MAP2K5: variants seen among roughly 807,000 people sequenced by gnomAD.
The protein encoded by MAP2K5 is mitogen-activated protein kinase kinase 5.
A neutral mutation model predicts 83.1 loss-of-function variants in MAP2K5; 49 were observed. The observed-to-expected ratio is 0.59, with a 90% CI of 0.47 to 0.75. MAP2K5 has a LOEUF of 0.75. Ranked by LOEUF, MAP2K5 falls within the 30% of genes least tolerant of loss-of-function variation. MAP2K5 has a pLI of 0.00. For missense variants in MAP2K5, 457 were observed against 557.5 expected (o/e 0.82, Z 1.82); for synonymous variants, 202 against 191.8 (o/e 1.05, Z -0.44).
At chr15:67,633,982 C>A (rs1336050003) in intron 9 of MAP2K5, among the ~76,000 whole-genome samples, 3 of 152,044 alleles carry the variant, frequency 2.0e-5, no homozygotes, top group African/African-American at 7.2e-5. Context: ...TCCAGAACAC[C>A]CTTCCTATAA....
At chr15:67,574,616 C>T (rs1481614101) in intron 3 of MAP2K5, among the ~76,000 whole-genome samples, 1 of 148,696 alleles carries the variant, frequency 6.7e-6, no homozygotes, top group East Asian at 2.0e-4. Flanking sequence ...CATCTGTAAT[C>T]CCAGCACTTT....
rs75797388 is a variant in MAP2K5 at position 67,755,415 on chromosome 15, A to G, written c.1134+6814A>G. Among the ~76,000 whole-genome samples, 347 of 152,112 alleles carry G rather than the reference A, an allele frequency of 2.3e-3. 3 individuals are homozygous for G. The highest frequency in any genetic ancestry group is 7.8e-3 in the African/African-American group (322 of 41,478). ...AGAACAGAAATATTAGCTGCCCCTTAGTCTGCCTGACTCACATAGGTAGAA... is the reference window on the plus strand; with the variant it reads ...AGAACAGAAATATTAGCTGCCCCTTGGTCTGCCTGACTCACATAGGTAGAA... On this transcript the variant is annotated intron_variant, in intron 19 of 21. Transcript: ENST00000178640. This position sits in a 1 kb window ranked among gnomAD's most constrained non-coding sequence, Gnocchi z 4.7.
chr15:67,671,566 C>T lies in MAP2K5; in HGVS notation c.847+6921C>T, dbSNP rs533336300. ...GAAACTGTTTTTAAAGTATCAGGGA[C>T]ACTGAAAATGAAGTATTATAATTAA... On this transcript the variant is annotated intron_variant, in intron 13 of 21. Transcript: ENST00000178640. Among the ~76,000 whole-genome samples, 9 of 152,020 alleles carry T rather than the reference C, an allele frequency of 5.9e-5. No individual in the cohort carries two copies. In the South Asian group the frequency reaches 1.9e-3, roughly 32 times the overall value.
intron 3 of MAP2K5, among the ~76,000 whole-genome samples, chr15:67,579,277 A>C (rs765208111): frequency 6.6e-6 from 1 of 152,192 alleles, no homozygotes; most frequent in Non-Finnish European, 1.5e-5. Context: ...GCCGAGGACA[A>C]GTCATTTTCG....
intron 15 of MAP2K5, among the ~76,000 whole-genome samples, chr15:67,699,182 G>C (rs16951147): frequency 0.01 from 1,592 of 151,642 alleles, 59 homozygotes; most frequent in East Asian, 0.078. Context: ...AAAAGACAGT[G>C]GGCTACTCCC....
At chr15:67,799,964 T>C (rs1566968622) in intron 21 of MAP2K5, among the ~76,000 whole-genome samples, 1 of 152,186 alleles carries the variant, frequency 6.6e-6, no homozygotes, top group Non-Finnish European at 1.5e-5. Context: ...GGGATTGTTA[T>C]TGTGATGCTT....
chr15:67,749,375 G>T lies in MAP2K5; in HGVS notation c.1134+774G>T, dbSNP rs1370092070. ...TAAAAACTGAGATTTTTGGGGCTTGGGTTTGCCTACTAGCAATGTTTATTT... is the reference window on the plus strand; with the variant it reads ...TAAAAACTGAGATTTTTGGGGCTTGTGTTTGCCTACTAGCAATGTTTATTT... On this transcript the variant is annotated intron_variant, in intron 19 of 21. Coordinates refer to ENST00000178640, the MANE Select transcript of MAP2K5 (RefSeq NM_145160.3). This position sits in a 1 kb window ranked among gnomAD's most constrained non-coding sequence, Gnocchi z 4.6. Among the ~76,000 whole-genome samples, 1 of 151,860 alleles carries T rather than the reference G, an allele frequency of 6.6e-6. No individual in the cohort carries two copies. Among genetic ancestry groups the T allele is most frequent in the Admixed American group, 6.6e-5 (1 of 15,254 alleles).
chr15:67,553,923 A>AG (rs936148318), intron 2 of MAP2K5, among the ~76,000 whole-genome samples: 1 of 142,368 alleles, frequency 7.0e-6, no homozygotes, highest in African/African-American at 2.9e-5. Context: ...CCATCTCAAA[A>AG]AAAAAAAAAA....
chr15:67,584,740 G>A (rs182274322), intron 4 of MAP2K5, among the ~76,000 whole-genome samples: 48 of 143,758 alleles, frequency 3.3e-4, no homozygotes, highest in African/African-American at 1.2e-3. Flanking sequence ...GTGCAGTGGC[G>A]TGATCTCAGC....
At chr15:67,660,212 G>A (rs989798307) in intron 12 of MAP2K5, among the ~76,000 whole-genome samples, 3 of 151,870 alleles carry the variant, frequency 2.0e-5, no homozygotes, top group Non-Finnish European at 4.4e-5. Context: ...CTCTTTGTCT[G>A]CCACGGAAAT....
In MAP2K5 at chr15:67,636,962, T is replaced by G. The variant is rs1300508685; in HGVS notation, c.585+6035T>G. Reference sequence around the variant, plus strand: ...GGCTAGGATAAAAGCAGGCAGAAGTTGGAAGGACTTGACTTGCTGAGTCTT... The same window carrying G: ...GGCTAGGATAAAAGCAGGCAGAAGTGGGAAGGACTTGACTTGCTGAGTCTT... On this transcript the variant is annotated intron_variant, in intron 9 of 21. Transcript: ENST00000178640. The surrounding 1 kb of genome is among the most constrained non-coding windows in gnomAD (Gnocchi z 4.7). 6.6e-6 allele frequency among the ~76,000 whole-genome samples: 1 copy of G among 152,224 alleles called. No individual in the cohort carries two copies. Among genetic ancestry groups the G allele is most frequent in the Non-Finnish European group, 1.5e-5 (1 of 68,040 alleles).
chr15:67,781,388 T>C lies in MAP2K5; in HGVS notation c.1242+8636T>C, dbSNP rs1273987792. 6.6e-6 allele frequency among the ~76,000 whole-genome samples: 1 copy of C among 152,168 alleles called. No individual in the cohort carries two copies. The highest frequency in any genetic ancestry group is 1.5e-5 in the Non-Finnish European group (1 of 68,024). The stretch of plus-strand genomic sequence containing the variant: ...TTGTAGCAGTTTTGAGAGAGACCTT[T>C]GGGGATTGTGAGTCTTGTGGTTTCG... On this transcript the variant is annotated intron_variant, in intron 21 of 21. Transcript: ENST00000178640. This position sits in a 1 kb window ranked among gnomAD's most constrained non-coding sequence, Gnocchi z 4.0.
rs569726673 is a variant in MAP2K5, at chr15:67,577,224, C to T, written c.253-3530C>T. Among the ~76,000 whole-genome samples the T allele has an allele frequency of 2.0e-5, 3 of 152,218 alleles. No individual in the cohort carries two copies. Among genetic ancestry groups the T allele is most frequent in the Admixed American group, 6.5e-5 (1 of 15,296 alleles). Reference sequence around the variant, plus strand: ...TGCTGGGATTACAGGCGTGAGCCACCGTGCCCGGCCAGTAACCCTATATAT... The same window carrying T: ...TGCTGGGATTACAGGCGTGAGCCACTGTGCCCGGCCAGTAACCCTATATAT... On this transcript the variant is annotated intron_variant, in intron 3 of 21. Coordinates refer to ENST00000178640, the MANE Select transcript of MAP2K5 (RefSeq NM_145160.3). The surrounding 1 kb of genome is among the most constrained non-coding windows in gnomAD (Gnocchi z 4.1).
At chr15:67,581,301 C>A (rs1360103343) in intron 4 of MAP2K5, among the ~76,000 whole-genome samples, 2 of 152,108 alleles carry the variant, frequency 1.3e-5, no homozygotes, top group African/African-American at 4.8e-5. Flanking sequence ...AATTGAAATT[C>A]TTCATAAATG....
intron 7 of MAP2K5, among the ~76,000 whole-genome samples, chr15:67,598,333 G>A (rs2085575959): frequency 6.6e-6 from 1 of 152,264 alleles, no homozygotes; most frequent in Non-Finnish European, 1.5e-5. Context: ...TAGATACTAA[G>A]TGACATGGTT....
chr15:67,771,725 G>A (rs780347382), intron 20 of MAP2K5, among the ~76,000 whole-genome samples: 2 of 152,180 alleles, frequency 1.3e-5, no homozygotes, highest in Non-Finnish European at 2.9e-5. Flanking sequence ...TCATAACTCC[G>A]ATTCTTGTTT....
chr15:67,630,895 C>T lies in MAP2K5; in HGVS notation c.553C>T (p.His185Tyr). The T allele has an allele frequency of 1.2e-6, 2 of 1,609,164 alleles. No individual in the cohort carries two copies. The highest frequency in any genetic ancestry group is 8.5e-7 in the Non-Finnish European group (1 of 1,176,962). Residue 185 changes from histidine (H) to tyrosine (Y), a missense_variant, in exon 9 of 22, where the codon CAT becomes TAT. By Grantham distance (83) the His-to-Tyr change is moderately conservative. Transcript: ENST00000178640. ...TTTTTTTTCTTCCCATAGAGCATAT[C>T]ATGTCCCGAGTGGGAAAATATTAGC... ...GNGGTVYKAY[H>Y]VPSGKILAVK...
At position 67,736,913 on chromosome 15, in the gene MAP2K5, T is replaced by TA. The variant is rs2089353875; in HGVS notation, c.1074+8969dup. On this transcript the variant is annotated intron_variant, in intron 17 of 21. Transcript: ENST00000178640. This position sits in a 1 kb window ranked among gnomAD's most constrained non-coding sequence, Gnocchi z 4.3. ...AGGATTTCAGCATGTGAAGAGATCT[T>TA]ACAATGATCTAGTCCAACTCTTAGA... 6.6e-6 allele frequency among the ~76,000 whole-genome samples: 1 copy of TA among 152,304 alleles called. No homozygotes were observed. Among genetic ancestry groups the TA allele is most frequent in the East Asian group, 1.9e-4 (1 of 5,182 alleles).
intron 21 of MAP2K5, 77 bp from the exon 22 acceptor site, chr15:67,806,569 G>C (rs1358450045): frequency 4.7e-6 from 6 of 1,273,100 alleles, no homozygotes; most frequent in Non-Finnish European, 6.5e-6. Context: ...GATCCAGGCT[G>C]AGGGCAGGCC....
Sources: gnomAD v4.1 joint callset for allele counts (sites outside exome capture counted in the v4.1 genomes callset) on GRCh38, gnomAD v4.1.1 for gene constraint, Gnocchi (gnomAD v3.1) non-coding constraint, MANE v1.5 for transcripts, NCBI Gene and HGNC (gene_info 2026-07-23, HGNC 2026-07-21) for gene names.